PPP5C: variants seen among roughly 807,000 people sequenced by gnomAD.
The protein encoded by PPP5C is protein phosphatase 5 catalytic subunit.
Under a neutral mutation model 66.7 loss-of-function variants are expected in PPP5C, and 21 were observed. That is an observed-to-expected ratio of 0.31 (90% CI 0.22 to 0.45). The LOEUF (loss-of-function observed/expected upper bound fraction) is 0.45, where lower values mean the gene tolerates loss of function less well. PPP5C is among the 20% of genes least tolerant of loss of function. PPP5C has a pLI of 1.00. For missense variants in PPP5C, 464 were observed against 675.9 expected (o/e 0.69, Z 3.48); for synonymous variants, 246 against 257.4 (o/e 0.96, Z 0.43).
At chr19:46,387,313 G>A in intron 8 of PPP5C, 53 bp from the exon 9 acceptor site, 1 of 1,610,138 alleles carries the variant, frequency 6.2e-7, no homozygotes, top group Non-Finnish European at 8.5e-7. Flanking sequence ...AGGAAGTTGG[G>A]GCCTGTGGGT....
At position 46,370,628 on chromosome 19, in the gene PPP5C, G is replaced by C. The variant is rs73043457; in HGVS notation, c.364-4976G>C. The stretch of plus-strand genomic sequence containing the variant: ...GTTGTGCTGAGACATTCCCATGGCT[G>C]TGCTGTCACCAGGCAATAGGACTAT... On this transcript the variant is annotated intron_variant, in intron 2 of 12. Transcript: ENST00000012443. 7.4e-3 allele frequency among the ~76,000 whole-genome samples: 1,124 copies of C among 152,328 alleles called. 12 individuals are homozygous for C. Among genetic ancestry groups the C allele is most frequent in the Non-Finnish European group, 0.013 (851 of 68,022 alleles).
At chr19:46,382,868 A>C in intron 4 of PPP5C, 1 of 1,070,854 alleles carries the variant, frequency 9.3e-7, no homozygotes. Flanking sequence ...GTCATATCCA[A>C]TCTGTGAAAA....
At chr19:46,347,331 G>A in intron 1 of PPP5C, 114 bp downstream of exon 1, 1 of 1,422,716 alleles carries the variant, frequency 7.0e-7, no homozygotes, top group South Asian at 1.5e-5. Flanking sequence ...ACACTACCAA[G>A]TGACCGGGCG....
Position 46,389,986 on chromosome 19 carries a change from T to C in PPP5C, c.1356-65T>C, listed in dbSNP as rs1293296363. 3.4e-6 allele frequency: 5 copies of C among 1,483,502 alleles called. No homozygotes were observed. The African/African-American group carries it at 6.9e-5, about 21-fold the overall frequency. 91.9% of individuals were successfully genotyped at this position (1,483,502 alleles called of 1,614,324 possible). ...CTGTCCCTTCTTGCCCAGCCATTCCTTCTCTTAACCCACCAGCCCCACCCA... is the reference window on the plus strand; with the variant it reads ...CTGTCCCTTCTTGCCCAGCCATTCCCTCTCTTAACCCACCAGCCCCACCCA... On this transcript the variant is annotated intron_variant, in intron 11 of 12. Transcript: ENST00000012443.
At position 46,387,106 on chromosome 19, in the gene PPP5C, A is replaced by G. The variant is rs1972903013; in HGVS notation, c.918A>G (p.Thr306=). ...CGTGTTGGCCAGGCAACCACGAGAC[A>G]GACAACATGAACCAGATCTACGGTT... ...HFHLLRGNHE[T]DNMNQIYGFE... The change falls in exon 8 of 13, where the codon ACA becomes ACG. Residue 306 remains threonine (T), a synonymous_variant. Transcript: ENST00000012443. The G allele has an allele frequency of 6.2e-7, 1 of 1,614,266 alleles. No individual in the cohort carries two copies. Among genetic ancestry groups the G allele is most frequent in the East Asian group, 2.2e-5 (1 of 44,888 alleles).
At chr19:46,385,916 C>T (rs145571269) in intron 7 of PPP5C, among the ~76,000 whole-genome samples, 105 of 148,886 alleles carry the variant, frequency 7.1e-4, no homozygotes, top group African/African-American at 2.5e-3. Context: ...TGCACTCCAG[C>T]GTGGGCAACA....
At chr19:46,378,066 T>G (rs917992237) in intron 4 of PPP5C, among the ~76,000 whole-genome samples, 18 of 152,270 alleles carry the variant, frequency 1.2e-4, no homozygotes, top group African/African-American at 3.9e-4. Context: ...TTTAATTTGC[T>G]TTCTTCTGGC....
intron 11 of PPP5C, among the ~76,000 whole-genome samples, chr19:46,389,444 CACACACACACACACACAG>C (rs1454118087): frequency 6.2e-5 from 6 of 97,288 alleles, no homozygotes; most frequent in African/African-American, 2.3e-4. Context: ...CACACACACA[CACACACACACACACACAG>C]TGTTGATCCC....
At chr19:46,373,293 G>A (rs952708317) in intron 2 of PPP5C, among the ~76,000 whole-genome samples, 7 of 152,262 alleles carry the variant, frequency 4.6e-5, no homozygotes, top group Non-Finnish European at 7.3e-5. Context: ...GGGCTTTGGC[G>A]CAGTTTCGCC....
At position 46,376,961 on chromosome 19, in the gene PPP5C, C is replaced by G. The variant is rs115356737; in HGVS notation, c.633+387C>G. On this transcript the variant is annotated intron_variant, in intron 4 of 12. Coordinates refer to ENST00000012443, the MANE Select transcript of PPP5C (RefSeq NM_006247.4). This position sits in a 1 kb window ranked among gnomAD's most constrained non-coding sequence, Gnocchi z 5.1. ...GTTGCTCCTAGTCCTGAGACCACCC[C>G]CTCCCCGACCTAGGAGGGCAGCTGG... Among the ~76,000 whole-genome samples the G allele has an allele frequency of 4.9e-3, 744 of 152,244 alleles. 13 individuals are homozygous for G. The highest frequency in any genetic ancestry group is 0.017 in the African/African-American group (702 of 41,540).
chr19:46,371,313 G>C (rs772575868), intron 2 of PPP5C, among the ~76,000 whole-genome samples: 1 of 152,144 alleles, frequency 6.6e-6, no homozygotes, highest in Non-Finnish European at 1.5e-5. Flanking sequence ...CTTGCAAGCG[G>C]ATACTAGTGC....
At chr19:46,352,559 G>C (rs1054857668) in intron 1 of PPP5C, among the ~76,000 whole-genome samples, 2 of 152,000 alleles carry the variant, frequency 1.3e-5, no homozygotes, top group Admixed American at 6.6e-5. Flanking sequence ...TGTGGCTCAC[G>C]CCTGTAATCC....
At chr19:46,356,909 C>T (rs868843210) in intron 2 of PPP5C, among the ~76,000 whole-genome samples, 6 of 152,322 alleles carry the variant, frequency 3.9e-5, no homozygotes, top group Admixed American at 6.5e-5. Context: ...GGGCTCAGGA[C>T]GCCTAGGTTC....
chr19:46,348,098 G>A (rs1238331579), intron 1 of PPP5C, among the ~76,000 whole-genome samples: 1 of 152,018 alleles, frequency 6.6e-6, no homozygotes, highest in East Asian at 1.9e-4. Flanking sequence ...AGCAGGAGGC[G>A]TTTAAGCTGA....
At chr19:46,364,605 A>G (rs1484115090) in intron 2 of PPP5C, among the ~76,000 whole-genome samples, 3 of 152,168 alleles carry the variant, frequency 2.0e-5, no homozygotes, top group Non-Finnish European at 4.4e-5. Context: ...TAAATCTTGC[A>G]GCAAAGTTCA....
chr19:46,352,920 G>A (rs976802847), intron 1 of PPP5C, among the ~76,000 whole-genome samples: 3 of 152,208 alleles, frequency 2.0e-5, no homozygotes, highest in African/African-American at 7.2e-5. Flanking sequence ...GGAGACGGGG[G>A]TTAATGTAGT....
At chr19:46,358,685 A>G (rs1972329050) in intron 2 of PPP5C, among the ~76,000 whole-genome samples, 1 of 152,224 alleles carries the variant, frequency 6.6e-6, no homozygotes, top group Non-Finnish European at 1.5e-5. Context: ...CAGAGAACAG[A>G]TAAGCTCAAG....
At chr19:46,357,404 A>C (rs1972305527) in intron 2 of PPP5C, among the ~76,000 whole-genome samples, 1 of 152,146 alleles carries the variant, frequency 6.6e-6, no homozygotes, top group African/African-American at 2.4e-5. Context: ...TTCTGTGACC[A>C]CTGGTCACGA....
Position 46,390,079 on chromosome 19 carries a change from A to G in PPP5C, c.1384A>G (p.Ile462Val), listed in dbSNP as rs1972987162. 8 of 1,613,738 alleles carry G rather than the reference A, an allele frequency of 5.0e-6. No individual in the cohort carries two copies. The highest frequency in any genetic ancestry group is 1.7e-4 in the Middle Eastern group (1 of 6,058). ...CDQMGNKASY[I>V]HLQGSDLRPQ... The stretch of plus-strand genomic sequence containing the variant: ...CCAGATGGGGAACAAAGCCTCCTAC[A>G]TCCACCTCCAGGGCTCTGACCTACG... Residue 462 changes from isoleucine to valine, a missense_variant, in exon 12 of 13, where the codon ATC becomes GTC. Ile to Val is a conservative substitution (Grantham distance 29, BLOSUM62 3). This residue lies in a region of PPP5C where 387 missense variants were observed against 626.0 expected (regional missense o/e 0.62). Transcript: ENST00000012443.
Sources: allele counts gnomAD v4.1 joint callset (sites outside exome capture counted in the v4.1 genomes callset), GRCh38; gene constraint gnomAD v4.1.1; regional missense constraint gnomAD v4.1.1; non-coding constraint Gnocchi (gnomAD v3.1); transcripts MANE v1.5; gene names NCBI Gene and HGNC (gene_info 2026-07-23, HGNC 2026-07-21).